ADGRV1: variants seen among roughly 807,000 people sequenced by gnomAD.
The protein encoded by ADGRV1 is adhesion G protein-coupled receptor V1.
ADGRV1 carries 359 observed loss-of-function variants against 596.2 expected under a neutral mutation model. The observed-to-expected ratio is 0.60, with a 90% CI of 0.55 to 0.66. The LOEUF is 0.66. ADGRV1 is among the 30% of genes least tolerant of loss of function. The pLI, the probability that ADGRV1 is intolerant of heterozygous loss-of-function variation, is 0.00. For missense variants in ADGRV1, 7,274 were observed against 7,575.6 expected (o/e 0.96, Z 1.48); for synonymous variants, 2,681 against 2,679.2 (o/e 1.00, Z -0.02).
chr5:90,696,910 GT>G, intron 33 of ADGRV1, 26 bp from the exon 34 acceptor site: 1 of 1,569,488 alleles, frequency 6.4e-7, no homozygotes, highest in Middle Eastern at 1.7e-4. Flanking sequence ...TGTTACTTTG[GT>G]TTTTATTCCA....
At chr5:90,668,523 T>C (rs1459891296) in intron 21 of ADGRV1, among the ~76,000 whole-genome samples, 1 of 152,072 alleles carries the variant, frequency 6.6e-6, no homozygotes, top group South Asian at 2.1e-4. Flanking sequence ...CACTCCCTAG[T>C]GAGATGAACC....
At chr5:91,085,922 A>T (rs1457015992) in intron 86 of ADGRV1, among the ~76,000 whole-genome samples, 1 of 152,194 alleles carries the variant, frequency 6.6e-6, no homozygotes, top group Non-Finnish European at 1.5e-5. Flanking sequence ...TTCACAGTTA[A>T]GCCTTCAGAG....
rs114357754 is a variant in ADGRV1, at chr5:90,813,762, A to G, written c.16079-1857A>G. Among the ~76,000 whole-genome samples, 844 of 152,218 alleles carry G rather than the reference A, an allele frequency of 5.5e-3. 7 individuals are homozygous for G. Among genetic ancestry groups the G allele is most frequent in the Admixed American group, 0.015 (226 of 15,290 alleles). On this transcript the variant is annotated intron_variant, in intron 74 of 89. Transcript: ENST00000405460. ...CCCTACCTGACATTTTTTTCTTAATAATATTTCTCACTTAACCGGATAATT... is the reference window on the plus strand; with the variant it reads ...CCCTACCTGACATTTTTTTCTTAATGATATTTCTCACTTAACCGGATAATT...
chr5:91,153,169 G>T, intron 88 of ADGRV1, 52 bp from the exon 89 acceptor site: 2 of 1,458,980 alleles, frequency 1.4e-6, no homozygotes, highest in Non-Finnish European at 1.9e-6. Flanking sequence ...CATAGTGAAT[G>T]TGTATGCATT....
In ADGRV1 at chr5:90,644,484, AG is replaced by A. The variant is rs556084143; in HGVS notation, c.2735-221del. 4.6e-5 allele frequency among the ~76,000 whole-genome samples: 7 copies of A among 152,348 alleles called. No homozygotes were observed. The East Asian group carries it at 1.2e-3, about 25-fold the overall frequency. ...CAACTGACTTCTAAAATCCCAAACT[AG>A]AAAAAAATGAGTCCATTTACTTTAT... is the stretch of plus-strand genomic sequence containing the variant. On this transcript the variant is annotated intron_variant, in intron 14 of 89. Transcript: ENST00000405460.
intron 33 of ADGRV1, among the ~76,000 whole-genome samples, chr5:90,695,356 G>A (rs7713007): frequency 0.015 from 2,343 of 152,148 alleles, 45 homozygotes; most frequent in African/African-American, 0.053. Context: ...TGGTTGACTC[G>A]TGTGCTATTT....
At chr5:90,824,651 A>G (rs1338232680) in intron 76 of ADGRV1, among the ~76,000 whole-genome samples, 2 of 152,244 alleles carry the variant, frequency 1.3e-5, no homozygotes, top group African/African-American at 4.8e-5. Flanking sequence ...ATCATATAGT[A>G]TGTCCTCACT....
Position 90,672,607 on chromosome 5 carries a change from A to G in ADGRV1, c.4814A>G (p.Tyr1605Cys), listed in dbSNP as rs1023218036. 4 of 1,613,810 alleles carry G rather than the reference A, an allele frequency of 2.5e-6. 1 individual carries two copies. The highest frequency in any genetic ancestry group is 1.7e-6 in the Non-Finnish European group (2 of 1,179,740). Residue 1605 changes from tyrosine (Y) to cysteine (C), a missense_variant, in exon 22 of 90, where the codon TAT (tyrosine) becomes TGT (cysteine). Transcript: ENST00000405460. ...VVERTRGALDYVHVFYTISQI... is the reference protein window; with the variant it reads ...VVERTRGALDCVHVFYTISQI... ...GAGAGAACCAGAGGAGCTCTGGATTATGTGCATGTTTTTTACACCATTTCA... is the reference window on the plus strand; with the variant it reads ...GAGAGAACCAGAGGAGCTCTGGATTGTGTGCATGTTTTTTACACCATTTCA...
intron 85 of ADGRV1, among the ~76,000 whole-genome samples, chr5:91,022,046 A>T (rs1264599047): frequency 6.6e-6 from 1 of 152,122 alleles, no homozygotes; most frequent in East Asian, 1.9e-4. Context: ...CTAAAATCAT[A>T]CAAACAAATG....
chr5:90,769,589 C>T (rs1757479905), intron 59 of ADGRV1, among the ~76,000 whole-genome samples: 1 of 152,278 alleles, frequency 6.6e-6, no homozygotes, highest in South Asian at 2.1e-4. Flanking sequence ...CTATGCATCA[C>T]TGATTAAATT....
At chr5:91,068,776 A>G (rs1788112544) in intron 85 of ADGRV1, among the ~76,000 whole-genome samples, 1 of 151,616 alleles carries the variant, frequency 6.6e-6, no homozygotes, top group African/African-American at 2.4e-5. Context: ...TAGAATTAGA[A>G]AAAAGCTATT....
intron 54 of ADGRV1, 72 bp downstream of exon 54, chr5:90,753,901 A>G (rs1755544308): frequency 7.3e-7 from 1 of 1,372,066 alleles, no homozygotes; most frequent in Non-Finnish European, 9.7e-7. Flanking sequence ...AATATTTATA[A>G]GGAATGTAAA....
intron 72 of ADGRV1, among the ~76,000 whole-genome samples, chr5:90,806,612 A>T (rs1486608964): frequency 1.3e-5 from 2 of 152,126 alleles, no homozygotes; most frequent in Non-Finnish European, 2.9e-5. Flanking sequence ...TATGTGTAGA[A>T]ATATTGCTTA....
chr5:90,830,420 C>G (rs1375905560), intron 77 of ADGRV1, among the ~76,000 whole-genome samples: 1 of 151,954 alleles, frequency 6.6e-6, no homozygotes, highest in African/African-American at 2.4e-5. Flanking sequence ...AAATGTATAT[C>G]GTTATAACTT....
chr5:90,975,394 A>C (rs1186738244), intron 84 of ADGRV1, among the ~76,000 whole-genome samples: 1 of 152,192 alleles, frequency 6.6e-6, no homozygotes, highest in East Asian at 1.9e-4. Context: ...ATAAAGACAC[A>C]TGCACGTGTA....
chr5:90,769,040 G>A (rs1757424689), intron 59 of ADGRV1, among the ~76,000 whole-genome samples: 1 of 152,148 alleles, frequency 6.6e-6, no homozygotes, highest in African/African-American at 2.4e-5. Context: ...CAGTCATTGT[G>A]TATGGACCAT....
At chr5:90,805,122 T>G (rs1275546041) in intron 71 of ADGRV1, 162 bp from the exon 72 acceptor site, 1 of 436,812 alleles carries the variant, frequency 2.3e-6, no homozygotes, top group African/African-American at 2.0e-5. Flanking sequence ...TAAAATAAAT[T>G]TTAAAGTCTG....
chr5:90,692,740 G>C lies in ADGRV1; in HGVS notation c.7087G>C (p.Glu2363Gln). ...TGCTCAGATGGTTTATCGTGTTCAA[G>C]AGCCTCTGGAAAGAAGTTCCTGTGC... ...AFAQMVYRVQEPLERSSCANI... is the reference protein window; with the variant it reads ...AFAQMVYRVQQPLERSSCANI... Residue 2363 changes from glutamate (E) to glutamine (Q), a missense_variant, in exon 32 of 90, where the codon GAG (glutamate) becomes CAG (glutamine). Glu to Gln is a conservative substitution (Grantham distance 29, BLOSUM62 2). Coordinates refer to ENST00000405460, the MANE Select transcript of ADGRV1 (RefSeq NM_032119.4). 1 of 1,607,484 alleles carries C rather than the reference G, an allele frequency of 6.2e-7. No individual in the cohort carries two copies. The highest frequency in any genetic ancestry group is 8.5e-7 in the Non-Finnish European group (1 of 1,176,982).
chr5:90,862,512 G>A (rs2438341), intron 82 of ADGRV1, among the ~76,000 whole-genome samples: 148,974 of 152,240 alleles, frequency 0.98, 72,961 homozygotes, highest in East Asian at 1. Flanking sequence ...ATCAACTCCA[G>A]TAGTATATAG....
Sources: allele counts gnomAD v4.1 joint callset (sites outside exome capture counted in the v4.1 genomes callset), GRCh38; gene constraint gnomAD v4.1.1; transcripts MANE v1.5; gene names NCBI Gene and HGNC (gene_info 2026-07-23, HGNC 2026-07-21).